The following FIP1L1 variants were observed in gnomAD, a reference collection of about 807,000 sequenced individuals.
FIP1L1 encodes pre-mRNA 3'-end-processing factor FIP1.
A neutral mutation model predicts 84.6 loss-of-function variants in FIP1L1; 21 were observed. The observed-to-expected ratio is 0.25, with a 90% CI of 0.18 to 0.36. The LOEUF is 0.36. Among genes scored for constraint, FIP1L1 ranks in the 10% least tolerant of loss-of-function variants. FIP1L1 has a pLI of 1.00. For missense variants in FIP1L1, 526 were observed against 751.1 expected, an observed-to-expected ratio of 0.70 and a Z score of 3.50; for synonymous variants, 263 against 242.3, an observed-to-expected ratio of 1.09 and a Z score of -0.80.
chr4:53,414,813 A>G, intron 11 of FIP1L1, 91 bp downstream of exon 11: 1 of 863,736 alleles, frequency 1.2e-6, no homozygotes, highest in South Asian at 1.7e-5. Context: ...TTTTGACTGT[A>G]CCATATTTTT....
chr4:53,421,840 T>C (rs1762535785), intron 11 of FIP1L1, among the ~76,000 whole-genome samples: 1 of 152,240 alleles, frequency 6.6e-6, no homozygotes, highest in East Asian at 1.9e-4. Flanking sequence ...GGAAATTGCA[T>C]CTATACATAT....
chr4:53,424,803 G>T (rs1763694436), intron 11 of FIP1L1, among the ~76,000 whole-genome samples: 1 of 152,062 alleles, frequency 6.6e-6, no homozygotes, highest in Non-Finnish European at 1.5e-5. Context: ...TAGTCTTTGG[G>T]ATTAGAAAGA....
At chr4:53,378,053 T>G (rs1056990104) in intron 1 of FIP1L1, 130 bp downstream of exon 1, 3 of 811,192 alleles carry the variant, frequency 3.7e-6, no homozygotes, top group Non-Finnish European at 5.4e-6. Context: ...CCGGCCTGAC[T>G]TAGGCCGAGC....
At chr4:53,423,199 G>A (rs567260488) in intron 11 of FIP1L1, among the ~76,000 whole-genome samples, 2 of 152,246 alleles carry the variant, frequency 1.3e-5, no homozygotes, top group Admixed American at 1.3e-4. Context: ...AGGAGGGGAG[G>A]TAGAGGCTCT....
intron 10 of FIP1L1, among the ~76,000 whole-genome samples, chr4:53,409,087 C>A (rs1258271980): frequency 6.6e-6 from 1 of 152,132 alleles, no homozygotes; most frequent in African/African-American, 2.4e-5. Context: ...TTTAGAGTTT[C>A]GAGTTTTTCT....
intron 16 of FIP1L1, among the ~76,000 whole-genome samples, chr4:53,454,044 C>G (rs1180794735): frequency 6.6e-6 from 1 of 151,938 alleles, no homozygotes; most frequent in Non-Finnish European, 1.5e-5. Flanking sequence ...TTAGTCTTTC[C>G]TGCAACACAC....
intron 10 of FIP1L1, among the ~76,000 whole-genome samples, chr4:53,408,916 T>G (rs1755423342): frequency 7.3e-6 from 1 of 136,356 alleles, no homozygotes. Context: ...TTCAAAGTTT[T>G]TAACTTCTTT....
intron 13 of FIP1L1, among the ~76,000 whole-genome samples, chr4:53,439,279 C>T (rs1327768710): frequency 6.6e-6 from 1 of 151,962 alleles, no homozygotes; most frequent in Non-Finnish European, 1.5e-5. Flanking sequence ...AGCTATGGGT[C>T]AGTTTAGTAG....
chr4:53,400,802 AAATAT>A, intron 10 of FIP1L1, among the ~76,000 whole-genome samples: 1 of 152,352 alleles, frequency 6.6e-6, no homozygotes, highest in East Asian at 1.9e-4. Flanking sequence ...TATTTAAGCT[AAATAT>A]AATCTCAAAA....
chr4:53,439,465 C>T (rs1419988194), intron 13 of FIP1L1, among the ~76,000 whole-genome samples: 3 of 152,006 alleles, frequency 2.0e-5, no homozygotes, highest in Non-Finnish European at 4.4e-5. Flanking sequence ...AAATCTCTTA[C>T]TCTGATAAAA....
At chr4:53,380,402 G>A (rs924733406) in intron 3 of FIP1L1, among the ~76,000 whole-genome samples, 2 of 152,232 alleles carry the variant, frequency 1.3e-5, no homozygotes, top group African/African-American at 4.8e-5. Flanking sequence ...TGGTTACTAA[G>A]AGTTGGGTGA....
intron 11 of FIP1L1, among the ~76,000 whole-genome samples, chr4:53,424,580 G>A (rs1249277416): frequency 6.6e-6 from 1 of 152,082 alleles, no homozygotes; most frequent in Non-Finnish European, 1.5e-5. Context: ...GTGGGCAAGG[G>A]ATGGTAAGTG....
At position 53,459,759 on chromosome 4, in the gene FIP1L1, T is replaced by G; in HGVS notation, c.*310T>G. On this transcript the variant is annotated 3_prime_UTR_variant, in exon 18 of 18. Transcript: ENST00000337488. The stretch of plus-strand genomic sequence containing the variant: ...CATACACAGATTATCTGAGAAAAGG[T>G]CAAGGGTTCCACTTGGGCCACAGTT... The G allele has an allele frequency of 3.0e-6, 1 of 337,810 alleles. No homozygotes were observed. Among genetic ancestry groups the G allele is most frequent in the Non-Finnish European group, 5.5e-6 (1 of 183,182 alleles). 20.9% of individuals were successfully genotyped at this position (337,810 alleles called of 1,614,324 possible). A position where few individuals can be genotyped will look rare whatever the true frequency, so the allele number is the denominator to read the frequency against.
intron 11 of FIP1L1, among the ~76,000 whole-genome samples, chr4:53,420,212 A>AACAAAAAAC (rs1560540703): frequency 7.0e-5 from 10 of 143,064 alleles, no homozygotes; most frequent in African/African-American, 2.8e-4. Context: ...AAAAAAAAAA[A>AACAAAAAAC]AAAAAAAAAA....
chr4:53,436,783 G>A (rs1229872384), intron 13 of FIP1L1, among the ~76,000 whole-genome samples: 1 of 152,098 alleles, frequency 6.6e-6, no homozygotes, highest in Admixed American at 6.5e-5. Context: ...TTAATATGAT[G>A]TTTAACAGGA....
chr4:53,404,796 T>A (rs1311648626), intron 10 of FIP1L1, among the ~76,000 whole-genome samples: 2 of 152,170 alleles, frequency 1.3e-5, no homozygotes, highest in Non-Finnish European at 2.9e-5. Context: ...GTTTTTTGGC[T>A]GCATAAATGT....
intron 10 of FIP1L1, among the ~76,000 whole-genome samples, chr4:53,407,760 G>A (rs1223592669): frequency 1.3e-5 from 2 of 152,096 alleles, no homozygotes; most frequent in African/African-American, 4.8e-5. Flanking sequence ...GGCCTTCTTT[G>A]TCTCTTTTGA....
chr4:53,437,932 A>G (rs1770161845), intron 13 of FIP1L1, among the ~76,000 whole-genome samples: 1 of 151,782 alleles, frequency 6.6e-6, no homozygotes, highest in Admixed American at 6.6e-5. Context: ...TCACCATGTT[A>G]GCCAAGATGG....
chr4:53,441,150 T>G (rs931342570), intron 13 of FIP1L1, among the ~76,000 whole-genome samples: 13 of 151,198 alleles, frequency 8.6e-5, no homozygotes, highest in African/African-American at 3.1e-4. Flanking sequence ...CCCAGTGTTT[T>G]ATTTATTTAT....
Sources: gnomAD v4.1 joint callset for allele counts (sites outside exome capture counted in the v4.1 genomes callset) on GRCh38, gnomAD v4.1.1 for gene constraint, MANE v1.5 for transcripts, NCBI Gene and HGNC (gene_info 2026-07-23, HGNC 2026-07-21) for gene names.